SDK1: variants seen among roughly 807,000 people sequenced by gnomAD.
SDK1 encodes the protein sidekick cell adhesion molecule 1, also known as protein sidekick-1.
SDK1 carries 157 observed loss-of-function variants against 245.5 expected under a neutral mutation model. That is an observed-to-expected ratio of 0.64 (90% CI 0.56 to 0.73). The LOEUF (loss-of-function observed/expected upper bound fraction) is 0.73. Ranked by LOEUF, SDK1 falls within the 30% of genes least tolerant of loss-of-function variation. The pLI, the probability that SDK1 is intolerant of heterozygous loss-of-function variation, is 0.00. For synonymous variants in SDK1, 1,647 were observed against 1,278.5 expected (o/e 1.29, Z -6.15); for missense variants, 3,583 against 3,002.3 (o/e 1.19, Z -4.52).
chr7:4,149,069 A>G (rs975379514), intron 29 of SDK1, among the ~76,000 whole-genome samples, 193 bp from the exon 30 acceptor site: 1 of 151,996 alleles, frequency 6.6e-6, no homozygotes, highest in Non-Finnish European at 1.5e-5. Context: ...ACAAAACAAA[A>G]CAAAACAAAA....
chr7:3,641,176 G>C (rs1400771221), intron 3 of SDK1, among the ~76,000 whole-genome samples: 1 of 151,934 alleles, frequency 6.6e-6, no homozygotes, highest in African/African-American at 2.4e-5. Context: ...CACTTCTGTG[G>C]ACTATTTCAA....
intron 1 of SDK1, among the ~76,000 whole-genome samples, chr7:3,406,509 C>T (rs1020828097): frequency 7.9e-5 from 12 of 152,298 alleles, no homozygotes; most frequent in African/African-American, 2.9e-4. Flanking sequence ...TAAATCTTCT[C>T]TCTCTCTCCA....
intron 31 of SDK1, among the ~76,000 whole-genome samples, chr7:4,158,989 C>T (rs765999522): frequency 1.4e-4 from 22 of 152,218 alleles, no homozygotes; most frequent in Non-Finnish European, 2.4e-4. Context: ...ACCTCGGCGG[C>T]GTCAGGCCTG....
intron 5 of SDK1, among the ~76,000 whole-genome samples, chr7:3,949,509 C>T (rs911469304): frequency 3.9e-5 from 6 of 152,350 alleles, no homozygotes; most frequent in Admixed American, 1.3e-4. Context: ...TCCGCTGCCG[C>T]TCACGATGGT....
At chr7:3,608,074 C>G (rs1017787228) in intron 1 of SDK1, among the ~76,000 whole-genome samples, 5 of 152,152 alleles carry the variant, frequency 3.3e-5, no homozygotes, top group African/African-American at 4.8e-5. Flanking sequence ...GCGCGTATCC[C>G]GAGGCAGTGG....
intron 1 of SDK1, among the ~76,000 whole-genome samples, chr7:3,463,708 C>A (rs1189286279): frequency 6.6e-6 from 1 of 152,186 alleles, no homozygotes; most frequent in East Asian, 1.9e-4. Context: ...TTGTGAGGAG[C>A]CTCATTCATT....
At chr7:3,746,456 C>G (rs1028758721) in intron 4 of SDK1, among the ~76,000 whole-genome samples, 1 of 152,136 alleles carries the variant, frequency 6.6e-6, no homozygotes, top group Admixed American at 6.5e-5. Flanking sequence ...AAAGATTTCT[C>G]TGTAATGTGC....
chr7:3,542,605 CA>C (rs1006297708), intron 1 of SDK1, among the ~76,000 whole-genome samples: 2 of 152,058 alleles, frequency 1.3e-5, no homozygotes, highest in African/African-American at 2.4e-5. Context: ...ATCTTTTAAT[CA>C]ATAACATTAT....
At chr7:4,045,262 G>C (rs1161923127) in intron 17 of SDK1, among the ~76,000 whole-genome samples, 3 of 151,804 alleles carry the variant, frequency 2.0e-5, no homozygotes, top group East Asian at 1.9e-4. Context: ...TATTTATTTA[G>C]AGACAGGGTC....
At chr7:3,632,480 T>A (rs1054568512) in intron 2 of SDK1, among the ~76,000 whole-genome samples, 9 of 152,190 alleles carry the variant, frequency 5.9e-5, no homozygotes, top group Non-Finnish European at 1.0e-4. Flanking sequence ...AAGATTAACA[T>A]CTAATTGATA....
chr7:3,996,801 G>A (rs1356173032), intron 14 of SDK1, among the ~76,000 whole-genome samples: 1 of 151,886 alleles, frequency 6.6e-6, no homozygotes, highest in African/African-American at 2.4e-5. Flanking sequence ...CAAATGTATT[G>A]TTTTCTTTTT....
At position 4,265,967 on chromosome 7, in the gene SDK1, G is replaced by A. The variant is rs1049808012; in HGVS notation, c.*583G>A. On this transcript the variant is annotated 3_prime_UTR_variant, in exon 45 of 45. Coordinates refer to ENST00000404826, the MANE Select transcript of SDK1 (RefSeq NM_152744.4). ...CTTGGCAGTGTCTAGTCAAGGAGTC[G>A]GCTTTCAGGTTCCTGACGGCCAGGC... The A allele has an allele frequency of 1.8e-5, 18 of 985,456 alleles. No homozygotes were observed. The highest frequency in any genetic ancestry group is 2.3e-4 in the East Asian group (2 of 8,828). The allele number at this position is 985,456 out of a possible 1,614,324, so 61.0% of individuals were successfully genotyped here.
At chr7:3,759,584 CATTATT>C (rs4039584) in intron 4 of SDK1, among the ~76,000 whole-genome samples, 38 of 145,886 alleles carry the variant, frequency 2.6e-4, no homozygotes, top group African/African-American at 6.3e-4. Context: ...AAATTTTTTT[CATTATT>C]ATTATTATTA....
At chr7:3,784,319 CA>C (rs1196808538) in intron 4 of SDK1, among the ~76,000 whole-genome samples, 1 of 151,834 alleles carries the variant, frequency 6.6e-6, no homozygotes. Context: ...TATCCATACA[CA>C]AAAGAATGAA....
At chr7:4,113,529 C>T (rs1783490944) in intron 24 of SDK1, 90 bp downstream of exon 24, 8 of 1,442,364 alleles carry the variant, frequency 5.5e-6, no homozygotes, top group Non-Finnish European at 7.5e-6. Flanking sequence ...GTTTCTTAGT[C>T]ACGCCTTTGT....
chr7:3,417,989 T>C (rs1402273666), intron 1 of SDK1, among the ~76,000 whole-genome samples: 1 of 152,058 alleles, frequency 6.6e-6, no homozygotes, highest in Non-Finnish European at 1.5e-5. Context: ...AAGTGATTTC[T>C]CTACTGAGAG....
At chr7:3,547,217 A>G (rs1001650761) in intron 1 of SDK1, among the ~76,000 whole-genome samples, 1 of 152,180 alleles carries the variant, frequency 6.6e-6, no homozygotes, top group African/African-American at 2.4e-5. Flanking sequence ...CTCTACTTTA[A>G]GTGCTTTGAT....
intron 4 of SDK1, among the ~76,000 whole-genome samples, chr7:3,761,260 C>CTTTTTTTTTTTTT (rs71029692): frequency 3.2e-5 from 3 of 93,762 alleles, no homozygotes; most frequent in African/African-American, 4.2e-5. Flanking sequence ...GCCCCCCCTC[C>CTTTTTTTTTTTTT]TTTTTTTTTT....
intron 13 of SDK1, among the ~76,000 whole-genome samples, chr7:3,977,539 G>C (rs147649987): frequency 7.4e-4 from 112 of 152,356 alleles, no homozygotes; most frequent in African/African-American, 2.5e-3. Flanking sequence ...ATGAGCCCCA[G>C]CCATCCACTG....
Sources: gnomAD v4.1 joint callset for allele counts (sites outside exome capture counted in the v4.1 genomes callset) on GRCh38, gnomAD v4.1.1 for gene constraint, MANE v1.5 for transcripts, NCBI Gene and HGNC (gene_info 2026-07-23, HGNC 2026-07-21) for gene names.